The following SMN1 variants were observed in gnomAD, a reference collection of about 807,000 sequenced individuals.
The protein encoded by SMN1 is survival of motor neuron 1, telomeric.
For synonymous variants in SMN1, 3 were observed against 5.1 expected, an observed-to-expected ratio of 0.58 and a Z score of 0.56; for missense variants, 15 against 17.1, an observed-to-expected ratio of 0.88 and a Z score of 0.22.
At chr5:70,960,206 ATT>A in the SMN1 span, among the ~76,000 whole-genome samples, 2 of 149,918 alleles carry the variant, frequency 1.3e-5, no homozygotes, top group South Asian at 4.3e-4. Flanking sequence ...CATTTTAACT[ATT>A]TGTTTTTATT....
downstream of SMN1, among the ~76,000 whole-genome samples, chr5:70,958,750 G>A (rs928176880): frequency 2.1e-5 from 3 of 145,840 alleles, no homozygotes; most frequent in Non-Finnish European, 4.6e-5. Flanking sequence ...GGTCAATTTT[G>A]GAATAGGTGT....
In SMN1 at chr5:70,953,000, A is replaced by AT. The variant is rs1208096625; in HGVS notation, c.*574dup. 2.9e-5 allele frequency: 2 copies of AT among 68,974 alleles called. No homozygotes were observed. Among genetic ancestry groups the AT allele is most frequent in the African/African-American group, 7.8e-5 (2 of 25,754 alleles). 4.3% of individuals were successfully genotyped at this position (68,974 alleles called of 1,614,324 possible). A position where few individuals can be genotyped will look rare whatever the true frequency, so the allele number is the denominator to read the frequency against. ...TAAAAGTATATAATAAAAATATTTA[A>AT]TTTTTTTTTAAATTAGCTGTATCTG... On this transcript the variant is annotated 3_prime_UTR_variant, in exon 9 of 9. Coordinates refer to ENST00000380707, the MANE Select transcript of SMN1 (RefSeq NM_000344.4).
intron 5 of SMN1, among the ~76,000 whole-genome samples, chr5:70,943,523 A>G (rs1314519871): frequency 2.3e-5 from 1 of 43,148 alleles, no homozygotes; most frequent in African/African-American, 7.0e-5. Flanking sequence ...GTTGTTTCCC[A>G]TGTCACCTGT....
chr5:70,960,057 A>T, the SMN1 span, among the ~76,000 whole-genome samples: 1 of 146,612 alleles, frequency 6.8e-6, no homozygotes, highest in African/African-American at 2.5e-5. Flanking sequence ...AATTTATCAA[A>T]CCTTTGAATC....
At chr5:70,950,661 G>T (rs200860043) in intron 7 of SMN1, among the ~76,000 whole-genome samples, 64,908 of 125,568 alleles carry the variant, frequency 0.52, 18,132 homozygotes, top group East Asian at 0.82. Context: ...TTTTTTGAGA[G>T]GGTGTCTTGC....
At chr5:70,959,068 G>C in the SMN1 span, among the ~76,000 whole-genome samples, 1 of 150,250 alleles carries the variant, frequency 6.7e-6, no homozygotes, top group South Asian at 2.1e-4. Context: ...ATGGAATACT[G>C]TGCAACCATA....
the SMN1 span, among the ~76,000 whole-genome samples, chr5:70,959,136 C>T: frequency 1.3e-5 from 2 of 149,602 alleles, no homozygotes; most frequent in South Asian, 4.3e-4. Context: ...AATCATCATT[C>T]TCAGTAAACT....
In SMN1 at chr5:70,943,592, C is replaced by T. The variant is rs1218108466; in HGVS notation, c.627+722C>T. ...ATCTAATATAGATAAAATCCTGAGG[C>T]GCTCTCAGATTGTTTTGTAGAGTTC... is the stretch of plus-strand genomic sequence containing the variant. On this transcript the variant is annotated intron_variant, in intron 5 of 8. Transcript: ENST00000380707. 4.9e-4 allele frequency among the ~76,000 whole-genome samples: 32 copies of T among 65,400 alleles called. 1 individual carries two copies. The highest frequency in any genetic ancestry group is 7.8e-4 in the Non-Finnish European group (23 of 29,610). 42.9% of individuals were successfully genotyped at this position (65,400 alleles called of 152,430 possible).
Position 70,950,172 on chromosome 5 carries a change from C to G in SMN1, c.835-1769C>G, listed in dbSNP as rs1000760080. 4.7e-5 allele frequency among the ~76,000 whole-genome samples: 7 copies of G among 149,994 alleles called. No individual in the cohort carries two copies. The East Asian group carries it at 5.9e-4, about 13-fold the overall frequency. ...GTGGCTCACGCCGGTAATCCCAACA[C>G]TTTGGGAGGCCAAGGCGGGTGAATC... On this transcript the variant is annotated intron_variant, in intron 7 of 8. Transcript: ENST00000380707.
At chr5:70,963,304 ATG>A in the SMN1 span, among the ~76,000 whole-genome samples, 1 of 16,696 alleles carries the variant, frequency 6.0e-5, no homozygotes, top group Non-Finnish European at 1.9e-4. Context: ...CACATATAAT[ATG>A]TGTGTGTATG....
At chr5:70,955,744 C>T (rs1418733635), downstream of SMN1, among the ~76,000 whole-genome samples, 2 of 148,180 alleles carry the variant, frequency 1.3e-5, no homozygotes, top group African/African-American at 2.5e-5. Flanking sequence ...AAGATCATGC[C>T]ACTACACTCC....
the SMN1 span, among the ~76,000 whole-genome samples, chr5:70,960,158 CT>C: frequency 6.6e-6 from 1 of 150,582 alleles, no homozygotes; most frequent in Non-Finnish European, 1.5e-5. Flanking sequence ...TGTTTAAGAA[CT>C]TTTAATTTTC....
At chr5:70,959,438 A>T in the SMN1 span, among the ~76,000 whole-genome samples, 1 of 132,856 alleles carries the variant, frequency 7.5e-6, no homozygotes, top group Non-Finnish European at 1.7e-5. Flanking sequence ...TGCAAAAATT[A>T]AAAATTTAAA....
At chr5:70,957,594 G>T (rs1749936093), downstream of SMN1, among the ~76,000 whole-genome samples, 2 of 143,060 alleles carry the variant, frequency 1.4e-5, no homozygotes, top group South Asian at 4.7e-4. Context: ...TTTGTCTTTG[G>T]TTCTGTTTAT....
chr5:70,956,747 C>T (rs1161033971), downstream of SMN1, among the ~76,000 whole-genome samples: 6 of 149,600 alleles, frequency 4.0e-5, 1 homozygote, highest in African/African-American at 9.8e-5. Context: ...AGTCAGGTAG[C>T]GTGATGCCTC....
intron 7 of SMN1, 126 bp from the exon 8 acceptor site, chr5:70,951,815 G>C: frequency 3.1e-6 from 2 of 636,470 alleles, no homozygotes; most frequent in Non-Finnish European, 2.8e-6. Context: ...ATCATATTTT[G>C]TTGAATAAAA....
intron 1 of SMN1, among the ~76,000 whole-genome samples, chr5:70,935,736 TAGCGAGA>T (rs1749410340): frequency 1.3e-5 from 2 of 152,038 alleles, no homozygotes. Context: ...CTGGGTGGCA[TAGCGAGA>T]CTCTTGTCTC....
At chr5:70,949,980 ATTGC>A (rs2112821327) in intron 7 of SMN1, among the ~76,000 whole-genome samples, 1 of 131,876 alleles carries the variant, frequency 7.6e-6, no homozygotes, top group Non-Finnish European at 1.6e-5. Flanking sequence ...AGGCAGGAGA[ATTGC>A]TTGAACCTGG....
chr5:70,949,682 AT>A (rs1278769459), intron 7 of SMN1, among the ~76,000 whole-genome samples: 1 of 16,026 alleles, frequency 6.2e-5, no homozygotes, highest in African/African-American at 2.6e-4. Context: ...TTGACTTTAA[AT>A]TTTTTTTTTA....
Sources: gnomAD v4.1 joint callset for allele counts (sites outside exome capture counted in the v4.1 genomes callset) on GRCh38, gnomAD v4.1.1 for gene constraint, MANE v1.5 for transcripts, NCBI Gene and HGNC (gene_info 2026-07-23, HGNC 2026-07-21) for gene names.